The following RPS6KC1 variants were observed in gnomAD, a reference collection of about 807,000 sequenced individuals.
RPS6KC1 encodes ribosomal protein S6 kinase C1.
In RPS6KC1, 54 loss-of-function variants were observed where a neutral mutation model predicts 103.8. That is an observed-to-expected ratio of 0.52 (90% confidence interval 0.42 to 0.65). The LOEUF (loss-of-function observed/expected upper bound fraction) is 0.65. Ranked by LOEUF, RPS6KC1 falls within the 30% of genes least tolerant of loss-of-function variation. The pLI, the probability that RPS6KC1 is intolerant of heterozygous loss-of-function variation, is 0.00. For missense variants in RPS6KC1, 1,151 were observed against 1,253.8 expected (o/e 0.92, Z 1.24); for synonymous variants, 439 against 438.7 (o/e 1.00, Z -0.01).
chr1:213,145,366 T>C (rs922436114), intron 6 of RPS6KC1, among the ~76,000 whole-genome samples: 1 of 152,084 alleles, frequency 6.6e-6, no homozygotes, highest in African/African-American at 2.4e-5. Flanking sequence ...AAGTTAGAGT[T>C]TGTAGTTAGA....
chr1:213,262,540 A>G (rs2094821579), intron 13 of RPS6KC1, among the ~76,000 whole-genome samples, 181 bp from the exon 14 acceptor site: 1 of 152,202 alleles, frequency 6.6e-6, no homozygotes. Context: ...TCTTCATTTC[A>G]GTTAAAAGTT....
chr1:213,393,944 G>A, the RPS6KC1 span, among the ~76,000 whole-genome samples: 3 of 152,186 alleles, frequency 2.0e-5, no homozygotes, highest in South Asian at 6.2e-4. Context: ...TAATCTCTGA[G>A]AAGGGCGAGG....
chr1:213,852,598 A>G, the RPS6KC1 span, among the ~76,000 whole-genome samples: 9 of 152,158 alleles, frequency 5.9e-5, no homozygotes, highest in Non-Finnish European at 1.0e-4. Flanking sequence ...CAAGCTTGTT[A>G]TGGCCATTTC....
chr1:213,478,121 A>G, the RPS6KC1 span, among the ~76,000 whole-genome samples: 1 of 152,160 alleles, frequency 6.6e-6, no homozygotes, highest in Non-Finnish European at 1.5e-5. Flanking sequence ...AACAGTATAC[A>G]GCCTTTTCAG....
At chr1:213,073,848 G>A (rs1359269240) in intron 2 of RPS6KC1, among the ~76,000 whole-genome samples, 2 of 151,914 alleles carry the variant, frequency 1.3e-5, no homozygotes, top group Admixed American at 1.3e-4. Flanking sequence ...GCTGATTTTT[G>A]TATTTTTAGT....
the RPS6KC1 span, among the ~76,000 whole-genome samples, chr1:213,637,804 G>A: frequency 6.6e-6 from 1 of 151,736 alleles, no homozygotes; most frequent in African/African-American, 2.4e-5. Context: ...TCTCATTATG[G>A]CTTTTTGTTT....
the RPS6KC1 span, among the ~76,000 whole-genome samples, chr1:213,574,920 G>A: frequency 1.3e-5 from 2 of 152,126 alleles, no homozygotes; most frequent in Non-Finnish European, 2.9e-5. Flanking sequence ...TGTCCATGAC[G>A]GGTGAGAGCC....
the RPS6KC1 span, chr1:213,821,513 TCTG>T: frequency 2.0e-5 from 3 of 152,232 alleles, no homozygotes; most frequent in African/African-American, 7.2e-5. Flanking sequence ...TTGCCGTAAA[TCTG>T]CTGCTTTTTA....
At chr1:213,853,741 A>G in the RPS6KC1 span, among the ~76,000 whole-genome samples, 1 of 152,246 alleles carries the variant, frequency 6.6e-6, no homozygotes, top group African/African-American at 2.4e-5. Context: ...CAATGAATCT[A>G]GAAGGGGATT....
At chr1:213,439,520 T>C in the RPS6KC1 span, among the ~76,000 whole-genome samples, 2 of 152,120 alleles carry the variant, frequency 1.3e-5, no homozygotes, top group African/African-American at 4.8e-5. Context: ...TTGGGTTTTG[T>C]GGAAACAGAT....
In RPS6KC1 at chr1:213,085,785, A is replaced by G. The variant is rs150017545; in HGVS notation, c.262+7969A>G. ...CTATCCCTAATTGATCTGGACTCAC[A>G]TATCTTTTTTTTCTAGTAGTTTAGA... On this transcript the variant is annotated intron_variant, in intron 3 of 14. Coordinates refer to ENST00000366960, the MANE Select transcript of RPS6KC1 (RefSeq NM_012424.6). Among the ~76,000 whole-genome samples the G allele has an allele frequency of 4.4e-3, 669 of 152,140 alleles. 3 individuals are homozygous for G. Among genetic ancestry groups the G allele is most frequent in the Admixed American group, 7.9e-3 (120 of 15,270 alleles).
intron 14 of RPS6KC1, among the ~76,000 whole-genome samples, chr1:213,265,037 T>A (rs2094882124): frequency 6.6e-6 from 1 of 152,224 alleles, no homozygotes; most frequent in South Asian, 2.1e-4. Context: ...TTGGTCAGTT[T>A]TAAGAAATTA....
At chr1:213,482,826 A>G in the RPS6KC1 span, among the ~76,000 whole-genome samples, 1 of 151,876 alleles carries the variant, frequency 6.6e-6, no homozygotes, top group Non-Finnish European at 1.5e-5. Flanking sequence ...TTTGTTTTTT[A>G]ATAAGGAAAT....
At position 213,126,776 on chromosome 1, in the gene RPS6KC1, G is replaced by T. The variant is rs78098361; in HGVS notation, c.473-2751G>T. 2.4e-3 allele frequency among the ~76,000 whole-genome samples: 367 copies of T among 152,234 alleles called. 1 individual carries two copies. The highest frequency in any genetic ancestry group is 0.02 in the Middle Eastern group (6 of 294). On this transcript the variant is annotated intron_variant, in intron 5 of 14. Coordinates refer to ENST00000366960, the MANE Select transcript of RPS6KC1 (RefSeq NM_012424.6). Reference sequence around the variant, plus strand: ...GTAAATAAAGTTTTACTGGAACACAGCCATGCTTATTCATTTATATATTGT... The same window carrying T: ...GTAAATAAAGTTTTACTGGAACACATCCATGCTTATTCATTTATATATTGT...
intron 5 of RPS6KC1, among the ~76,000 whole-genome samples, chr1:213,123,425 T>C (rs1036400906): frequency 1.3e-5 from 2 of 152,196 alleles, no homozygotes; most frequent in Admixed American, 6.5e-5. Flanking sequence ...TTACCAAATC[T>C]GTACGAGGTA....
chr1:213,382,781 G>C, the RPS6KC1 span, among the ~76,000 whole-genome samples: 1 of 152,126 alleles, frequency 6.6e-6, no homozygotes, highest in Admixed American at 6.5e-5. Flanking sequence ...CTGGACACCC[G>C]TTCGAGCCAT....
At chr1:213,580,001 G>GT in the RPS6KC1 span, among the ~76,000 whole-genome samples, 1 of 152,054 alleles carries the variant, frequency 6.6e-6, no homozygotes, top group Non-Finnish European at 1.5e-5. Context: ...ATAGCTTATG[G>GT]ATCAAGTAGT....
At chr1:213,219,712 A>G (rs1235312867) in intron 8 of RPS6KC1, among the ~76,000 whole-genome samples, 1 of 152,138 alleles carries the variant, frequency 6.6e-6, no homozygotes. Flanking sequence ...CTTTGTAGGG[A>G]CATGGATGAA....
the RPS6KC1 span, among the ~76,000 whole-genome samples, chr1:213,538,093 C>A: frequency 1.3e-5 from 2 of 152,220 alleles, no homozygotes; most frequent in Non-Finnish European, 2.9e-5. Flanking sequence ...GACATCTGAC[C>A]ATTAAGAGGA....
Sources: gnomAD v4.1 joint callset for allele counts (sites outside exome capture counted in the v4.1 genomes callset) on GRCh38, gnomAD v4.1.1 for gene constraint, MANE v1.5 for transcripts, NCBI Gene and HGNC (gene_info 2026-07-23, HGNC 2026-07-21) for gene names.